Variants in PTPRD observed in about 807,000 individuals in gnomAD.
PTPRD encodes the protein receptor-type tyrosine-protein phosphatase delta.
A neutral mutation model predicts 214.5 loss-of-function variants in PTPRD; 34 were observed. That is an observed-to-expected ratio of 0.16 (90% confidence interval 0.12 to 0.21). The LOEUF (loss-of-function observed/expected upper bound fraction) is 0.21, where lower values mean the gene tolerates loss of function less well. PTPRD is among the 10% of genes least tolerant of loss of function. The pLI is 1.00. For synonymous variants in PTPRD, 1,128 were observed against 845.7 expected (o/e 1.33, Z -5.79); for missense variants, 2,545 against 2,398.7 (o/e 1.06, Z -1.27).
intron 11 of PTPRD, among the ~76,000 whole-genome samples, chr9:8,791,107 G>A (rs1043881002): frequency 6.6e-6 from 1 of 152,184 alleles, no homozygotes; most frequent in African/African-American, 2.4e-5. Flanking sequence ...ACTAAAGGCA[G>A]AAGAAAGTAG....
At chr9:8,675,469 C>A (rs1367980428) in intron 12 of PTPRD, among the ~76,000 whole-genome samples, 16 of 124,956 alleles carry the variant, frequency 1.3e-4, no homozygotes, top group East Asian at 2.7e-4. Context: ...TCCTGTATTT[C>A]TTTATGTCAT....
chr9:9,391,044 TAA>T (rs1569567924), intron 9 of PTPRD, among the ~76,000 whole-genome samples: 2 of 152,200 alleles, frequency 1.3e-5, no homozygotes, highest in Non-Finnish European at 2.9e-5. Context: ...GCTTTAAGCA[TAA>T]GAGACTGCAT....
At chr9:9,844,686 T>G (rs987079811) in intron 5 of PTPRD, among the ~76,000 whole-genome samples, 2 of 151,936 alleles carry the variant, frequency 1.3e-5, no homozygotes, top group African/African-American at 4.8e-5. Context: ...ATTTATCTTT[T>G]AGTGATCAGT....
intron 3 of PTPRD, among the ~76,000 whole-genome samples, chr9:10,233,402 T>A (rs1363817596): frequency 1.1e-4 from 16 of 152,060 alleles, no homozygotes; most frequent in Non-Finnish European, 1.5e-5. Flanking sequence ...GAGGCGGATG[T>A]TTTGAATTCT....
intron 14 of PTPRD, among the ~76,000 whole-genome samples, chr9:8,605,854 TATTACAGCC>T (rs2095177435): frequency 6.6e-6 from 1 of 152,158 alleles, no homozygotes; most frequent in African/African-American, 2.4e-5. Flanking sequence ...TCCTACCAGC[TATTACAGCC>T]ACCTCTCTGA....
chr9:8,524,874 C>G (rs372905778), intron 18 of PTPRD, 51 bp downstream of exon 18: 183 of 1,507,726 alleles, frequency 1.2e-4, no homozygotes, highest in Non-Finnish European at 1.6e-4. Context: ...GGCGTCTCAA[C>G]TCCCCCTGAG....
intron 11 of PTPRD, among the ~76,000 whole-genome samples, chr9:9,011,549 G>T (rs1237773900): frequency 3.3e-5 from 5 of 152,130 alleles, no homozygotes; most frequent in Non-Finnish European, 5.9e-5. Flanking sequence ...AGCAAAGAAA[G>T]AGGGTCACAT....
chr9:9,659,776 T>C (rs1468596371), intron 7 of PTPRD, among the ~76,000 whole-genome samples: 1 of 152,110 alleles, frequency 6.6e-6, no homozygotes, highest in East Asian at 1.9e-4. Context: ...AACAAATATT[T>C]TGTAGTTGTA....
At chr9:10,576,472 T>A (rs377594729) in intron 2 of PTPRD, among the ~76,000 whole-genome samples, 4 of 152,008 alleles carry the variant, frequency 2.6e-5, no homozygotes, top group South Asian at 4.1e-4. Context: ...AAATTCAGGG[T>A]CCACGTAAAA....
intron 9 of PTPRD, among the ~76,000 whole-genome samples, chr9:9,212,838 G>GA (rs371962818): frequency 6.6e-6 from 1 of 152,016 alleles, no homozygotes; most frequent in Non-Finnish European, 1.5e-5. Flanking sequence ...TGTGTGAGGT[G>GA]AAAAAAACAA....
At chr9:8,903,353 A>G (rs1229529239) in intron 11 of PTPRD, among the ~76,000 whole-genome samples, 2 of 152,186 alleles carry the variant, frequency 1.3e-5, no homozygotes, top group Non-Finnish European at 2.9e-5. Flanking sequence ...TTCAAAGAAA[A>G]GGTCCATGAT....
At chr9:10,252,488 C>T (rs1255369003) in intron 3 of PTPRD, among the ~76,000 whole-genome samples, 1 of 152,098 alleles carries the variant, frequency 6.6e-6, no homozygotes, top group South Asian at 2.1e-4. Flanking sequence ...ATTGTCTCCC[C>T]CATTTTCATG....
chr9:8,609,623 G>A (rs2095368084), intron 14 of PTPRD, among the ~76,000 whole-genome samples: 1 of 151,940 alleles, frequency 6.6e-6, no homozygotes, highest in Non-Finnish European at 1.5e-5. Flanking sequence ...CATAAAACAG[G>A]GCACTTAAAG....
At chr9:9,463,088 T>A (rs568625026) in intron 8 of PTPRD, among the ~76,000 whole-genome samples, 2 of 150,976 alleles carry the variant, frequency 1.3e-5, no homozygotes, top group African/African-American at 5.0e-5. Flanking sequence ...AGAGACTAAA[T>A]AGGAACAAAA....
chr9:9,245,731 G>T (rs1175657160), intron 9 of PTPRD, among the ~76,000 whole-genome samples: 1 of 152,068 alleles, frequency 6.6e-6, no homozygotes, highest in African/African-American at 2.4e-5. Context: ...TAACAAACCT[G>T]CACGTTGTGC....
chr9:9,506,245 T>A (rs1023606024), intron 8 of PTPRD, among the ~76,000 whole-genome samples: 1 of 151,434 alleles, frequency 6.6e-6, no homozygotes, highest in Non-Finnish European at 1.5e-5. Flanking sequence ...TTATGCAACA[T>A]GATTCGAAAT....
chr9:9,387,051 G>C (rs559190644), intron 9 of PTPRD, among the ~76,000 whole-genome samples: 6 of 152,182 alleles, frequency 3.9e-5, no homozygotes, highest in Non-Finnish European at 8.8e-5. Flanking sequence ...CAGGTGCTAA[G>C]GTTGATTATT....
chr9:9,877,271 A>T (rs2067158265), intron 5 of PTPRD, among the ~76,000 whole-genome samples: 1 of 152,180 alleles, frequency 6.6e-6, no homozygotes, highest in South Asian at 2.1e-4. Context: ...CCCAAGAACA[A>T]CTGTCTTGGG....
At chr9:9,019,325 A>G (rs189388781) in intron 10 of PTPRD, among the ~76,000 whole-genome samples, 1,381 of 63,438 alleles carry the variant, frequency 0.022, 33 homozygotes, top group African/African-American at 0.071. Context: ...AGAAAGAAAG[A>G]AAGAAAGAAA....
Sources: gnomAD v4.1 joint callset for allele counts (sites outside exome capture counted in the v4.1 genomes callset) on GRCh38, gnomAD v4.1.1 for gene constraint, MANE v1.5 for transcripts, NCBI Gene and HGNC (gene_info 2026-07-23, HGNC 2026-07-21) for gene names.